Variants in RHCG observed in about 807,000 individuals in gnomAD.
RHCG encodes ammonium transporter Rh type C.
Under a neutral mutation model 55.3 loss-of-function variants are expected in RHCG, and 39 were observed. The ratio of observed to expected loss-of-function variants is 0.70; its 90% CI spans 0.55 to 0.92. The LOEUF is 0.92. RHCG is among the 40% of genes least tolerant of loss of function. The pLI is 0.00. For missense variants in RHCG, 635 were observed against 627.9 expected, an observed-to-expected ratio of 1.01 and a Z score of -0.12; for synonymous variants, 250 against 246.8, an observed-to-expected ratio of 1.01 and a Z score of -0.12.
At chr15:89,472,148 A>T (rs1443599729) in intron 10 of RHCG, among the ~76,000 whole-genome samples, 1 of 152,178 alleles carries the variant, frequency 6.6e-6, no homozygotes, top group East Asian at 1.9e-4. Flanking sequence ...AAGAACCTGA[A>T]CTTCTCCGAG....
intron 2 of RHCG, chr15:89,486,537 G>A (rs1380777319): frequency 7.5e-6 from 4 of 534,708 alleles, no homozygotes; most frequent in Non-Finnish European, 1.4e-5. Flanking sequence ...TCGCTGATCA[G>A]GAAGCGAAGT....
In RHCG at chr15:89,483,102, C is replaced by T. The variant is rs184276709; in HGVS notation, c.487G>A (p.Ala163Thr). The T allele has an allele frequency of 1.1e-4, 170 of 1,605,704 alleles. No individual in the cohort carries two copies. Among genetic ancestry groups the T allele is most frequent in the Non-Finnish European group, 1.0e-4 (118 of 1,173,160 alleles). Residue 163 changes from alanine to threonine, a missense_variant, in exon 3 of 11, where the codon GCT (alanine) becomes ACT (threonine). Coordinates refer to ENST00000268122, the MANE Select transcript of RHCG (RefSeq NM_016321.3). ...TTAAGGAGAATGAACTCATTCACAG[C>T]GAAGAGGGTCACTTGGAAGAAAGTC... ...IMTFFQVTLF[A>T]VNEFILLNLL...
intron 9 of RHCG, 64 bp from the exon 10 acceptor site, chr15:89,472,927 C>A: frequency 7.2e-7 from 1 of 1,388,864 alleles, no homozygotes; most frequent in Non-Finnish European, 9.4e-7. Flanking sequence ...TCCCTGGTGA[C>A]TAGAACCTGG....
chr15:89,488,371 G>A (rs560136483), intron 1 of RHCG, among the ~76,000 whole-genome samples: 2 of 152,324 alleles, frequency 1.3e-5, no homozygotes, highest in African/African-American at 4.8e-5. Context: ...AATGCAGGGG[G>A]AAATTTTGAG....
rs750061705 is a variant in RHCG, at chr15:89,477,667, G to A, written c.976-14C>T. 1 of 1,613,902 alleles carries A rather than the reference G, an allele frequency of 6.2e-7. No homozygotes were observed. Among genetic ancestry groups the A allele is most frequent in the South Asian group, 1.1e-5 (1 of 91,074 alleles). Reference sequence around the variant, plus strand: ...CTCCAGGAATGGCTGGAGACGGGAGGTGGGTGCTGCTCAGGCCGGGGGCTG... The same window carrying A: ...CTCCAGGAATGGCTGGAGACGGGAGATGGGTGCTGCTCAGGCCGGGGGCTG... On this transcript the variant is annotated splice_polypyrimidine_tract_variant and intron_variant, in intron 6 of 10. Transcript: ENST00000268122. This position sits in a 1 kb window ranked among gnomAD's most constrained non-coding sequence, Gnocchi z 4.5.
intron 1 of RHCG, among the ~76,000 whole-genome samples, chr15:89,492,784 G>T (rs1045896006): frequency 2.0e-5 from 3 of 152,222 alleles, no homozygotes; most frequent in African/African-American, 7.2e-5. Context: ...AATATAGGGA[G>T]AGGTGACTCC....
intron 3 of RHCG, 31 bp downstream of exon 3, chr15:89,483,036 C>A (rs1779069162): frequency 3.3e-6 from 5 of 1,534,822 alleles, no homozygotes; most frequent in Middle Eastern, 3.5e-4. Context: ...AGCACCCCCA[C>A]CACCTCATCC....
chr15:89,493,056 G>C (rs28666731), intron 1 of RHCG, among the ~76,000 whole-genome samples: 2,924 of 152,332 alleles, frequency 0.019, 59 homozygotes, highest in African/African-American at 0.043. Context: ...AATGGGATCT[G>C]TTTAATTCTA....
rs1961505859 is a variant in RHCG at position 89,493,079 on chromosome 15, C to T, written c.184+3282G>A. ...CTGTTTAATTCTAAAGTTCCACTGCCTTCTGCCTGTGGGTAAGCTCGTCCT... is the reference window on the plus strand; with the variant it reads ...CTGTTTAATTCTAAAGTTCCACTGCTTTCTGCCTGTGGGTAAGCTCGTCCT... On this transcript the variant is annotated intron_variant, in intron 1 of 10. Coordinates refer to ENST00000268122, the MANE Select transcript of RHCG (RefSeq NM_016321.3). Among the ~76,000 whole-genome samples, 3 of 152,222 alleles carry T rather than the reference C, an allele frequency of 2.0e-5. No individual in the cohort carries two copies. The South Asian group carries it at 6.2e-4, about 31-fold the overall frequency.
intron 1 of RHCG, among the ~76,000 whole-genome samples, chr15:89,492,128 G>C (rs911547146): frequency 6.6e-6 from 1 of 152,132 alleles, no homozygotes; most frequent in Non-Finnish European, 1.5e-5. Flanking sequence ...GACTCCAGCT[G>C]TCCTGCCCAG....
rs1961172902 is a variant in RHCG, at chr15:89,477,472, A to C, written c.1112+45T>G. On this transcript the variant is annotated intron_variant, in intron 7 of 10. Coordinates refer to ENST00000268122, the MANE Select transcript of RHCG (RefSeq NM_016321.3). The surrounding 1 kb of genome is among the most constrained non-coding windows in gnomAD (Gnocchi z 4.5). ...GAATAGCAGGAAGAAGGGATGGGAGAAGGAAGGGGGAAGCTCCATCCCACC... is the reference window on the plus strand; with the variant it reads ...GAATAGCAGGAAGAAGGGATGGGAGCAGGAAGGGGGAAGCTCCATCCCACC... 6.2e-7 allele frequency: 1 copy of C among 1,605,802 alleles called. No homozygotes were observed. Among genetic ancestry groups the C allele is most frequent in the African/African-American group, 1.3e-5 (1 of 74,732 alleles).
chr15:89,486,597 A>AGAGAGT lies in RHCG; in HGVS notation c.371+201_371+202insACTCTC, dbSNP rs1555461989. The AGAGAGT allele has an allele frequency of 2.1e-4, 68 of 327,152 alleles. 1 individual carries two copies. The highest frequency in any genetic ancestry group is 1.2e-3 in the Admixed American group (31 of 26,020). 20.3% of individuals were successfully genotyped at this position (327,152 alleles called of 1,614,324 possible). ...GAGAGAGAGAGAGAGAGAGAGAGAG[A>AGAGAGT]GAGTGTGTGTGTGTGTGTGTGTGTG... On this transcript the variant is annotated intron_variant, in intron 2 of 10. Coordinates refer to ENST00000268122, the MANE Select transcript of RHCG (RefSeq NM_016321.3).
chr15:89,476,654 C>A (rs1961154747), intron 9 of RHCG, 101 bp downstream of exon 9: 1 of 945,644 alleles, frequency 1.1e-6, no homozygotes, highest in Non-Finnish European at 1.7e-6. Context: ...TGACCCCCAC[C>A]CCCGGCATCT....
chr15:89,478,024 A>G (rs766641015), intron 5 of RHCG, 50 bp from the exon 6 acceptor site: 32 of 1,557,924 alleles, frequency 2.1e-5, no homozygotes, highest in Non-Finnish European at 2.7e-5. Flanking sequence ...TCCCTGGAGC[A>G]CCGGGCCTGG....
chr15:89,474,764 GCCTT>G (rs1426938577), intron 9 of RHCG, among the ~76,000 whole-genome samples: 4 of 111,618 alleles, frequency 3.6e-5, no homozygotes, highest in Non-Finnish European at 5.8e-5. Context: ...CTTCCTTCCT[GCCTT>G]CCTTCCTTCC....
chr15:89,473,684 T>C (rs535238964), intron 9 of RHCG, among the ~76,000 whole-genome samples: 1 of 152,348 alleles, frequency 6.6e-6, no homozygotes, highest in Admixed American at 6.5e-5. Context: ...GTATTACAAG[T>C]AATCTACAGA....
At chr15:89,476,388 T>A (rs1318490459) in intron 9 of RHCG, among the ~76,000 whole-genome samples, 7 of 152,146 alleles carry the variant, frequency 4.6e-5, no homozygotes, top group East Asian at 3.9e-4. Context: ...TTCTAACCAG[T>A]CTGTAGGTGA....
intron 2 of RHCG, chr15:89,486,564 CAGAGAGAGAGAGAGAGAG>C (rs59120813): frequency 3.0e-5 from 8 of 269,282 alleles, no homozygotes; most frequent in African/African-American, 2.7e-4. Flanking sequence ...GAGAGAGAGA[CAGAGAGAGAGAGAGAGAG>C]AGAGAGAGAG....
rs771309816 is a variant in RHCG, at chr15:89,477,836, C to CGGTCA, written c.971_975dup (p.Pro326Ter). On this transcript the variant is annotated stop_gained and frameshift_variant and splice_region_variant. Transcript: ENST00000268122. LOFTEE classifies it high-confidence loss of function. This position sits in a 1 kb window ranked among gnomAD's most constrained non-coding sequence, Gnocchi z 4.5. ...CCCAGCCCCTTGCCTGGGGCACTTACGGTCAGGTATACAAAACCCAGGGTG... is the reference window on the plus strand; with the variant it reads ...CCCAGCCCCTTGCCTGGGGCACTTACGGTCAGGTCAGGTATACAAAACCCAGGGTG... 1.9e-6 allele frequency: 3 copies of CGGTCA among 1,614,054 alleles called. No individual in the cohort carries two copies. The Admixed American group carries it at 5.0e-5, about 27-fold the overall frequency.
Sources: gnomAD v4.1 joint callset for allele counts (sites outside exome capture counted in the v4.1 genomes callset) on GRCh38, gnomAD v4.1.1 for gene constraint, Gnocchi (gnomAD v3.1) non-coding constraint, MANE v1.5 for transcripts, NCBI Gene and HGNC (gene_info 2026-07-23, HGNC 2026-07-21) for gene names.